The following GNB5 variants were observed in gnomAD, a reference collection of about 807,000 sequenced individuals.
The protein encoded by GNB5 is G protein subunit beta 5.
In GNB5, 37 loss-of-function variants were observed where a neutral mutation model predicts 55.3. The observed-to-expected ratio is 0.67, with a 90% CI of 0.51 to 0.88. The LOEUF (loss-of-function observed/expected upper bound fraction) is 0.88. Among genes scored for constraint, GNB5 ranks in the 40% least tolerant of loss-of-function variants. The pLI, the probability that GNB5 is intolerant of heterozygous loss-of-function variation, is 0.00. For missense variants in GNB5, 476 were observed against 515.3 expected (o/e 0.92, Z 0.74); for synonymous variants, 219 against 198.5 (o/e 1.10, Z -0.87).
intron 2 of GNB5, among the ~76,000 whole-genome samples, chr15:52,182,914 G>T (rs2034792270): frequency 6.6e-6 from 1 of 152,204 alleles, no homozygotes; most frequent in African/African-American, 2.4e-5. Context: ...CACTTTGGGA[G>T]GCCAAGGTGA....
Position 52,141,280 on chromosome 15 carries a change from G to T in GNB5, c.495-8C>A, listed in dbSNP as rs759786549. 4 of 1,612,380 alleles carry T rather than the reference G, an allele frequency of 2.5e-6. No homozygotes were observed. The African/African-American group carries it at 5.3e-5, about 22-fold the overall frequency. On this transcript the variant is annotated splice_polypyrimidine_tract_variant and splice_region_variant and intron_variant, in intron 6 of 12. Coordinates refer to ENST00000261837, the MANE Select transcript of GNB5 (RefSeq NM_016194.4). ...CACTTATTATCCAAACCACTAGGAT[G>T]GAAAGAAAGAAGTACCAAAGATTAA...
chr15:52,161,542 C>G (rs960538284), intron 3 of GNB5, among the ~76,000 whole-genome samples: 1 of 152,184 alleles, frequency 6.6e-6, no homozygotes, highest in Non-Finnish European at 1.5e-5. Context: ...CTCAAGTGGT[C>G]CACCCACCTC....
chr15:52,178,114 C>T (rs888805195), intron 3 of GNB5, among the ~76,000 whole-genome samples: 5 of 152,148 alleles, frequency 3.3e-5, no homozygotes, highest in African/African-American at 7.2e-5. Context: ...TTCTGGAGAA[C>T]GCCCTCTGCA....
intron 3 of GNB5, among the ~76,000 whole-genome samples, chr15:52,174,159 G>C (rs143142417): frequency 6.6e-5 from 10 of 152,330 alleles, no homozygotes; most frequent in African/African-American, 2.4e-4. Flanking sequence ...AACATGGGCA[G>C]CCCCAAGAAG....
chr15:52,185,752 TTTTA>T (rs200072048), intron 1 of GNB5, among the ~76,000 whole-genome samples: 1,773 of 94,404 alleles, frequency 0.019, 22 homozygotes, highest in Admixed American at 0.041. Context: ...GTATTCATCT[TTTTA>T]TTATTATTAT....
At chr15:52,135,967 C>T in intron 7 of GNB5, 1 of 494,002 alleles carries the variant, frequency 2.0e-6, no homozygotes, top group Non-Finnish European at 3.5e-6. Flanking sequence ...GCATTTCCTA[C>T]ACCCTCACAG....
At chr15:52,140,428 G>C (rs1359963824) in intron 7 of GNB5, among the ~76,000 whole-genome samples, 1 of 152,154 alleles carries the variant, frequency 6.6e-6, no homozygotes, top group African/African-American at 2.4e-5. Flanking sequence ...CTCTTCACTG[G>C]CAGCAGCAAG....
At chr15:52,136,620 G>T (rs537955279) in intron 7 of GNB5, among the ~76,000 whole-genome samples, 1 of 152,334 alleles carries the variant, frequency 6.6e-6, no homozygotes, top group African/African-American at 2.4e-5. Context: ...CCCGAGCACA[G>T]TGCTGCCCAG....
At chr15:52,125,735 C>T in intron 11 of GNB5, 1 of 542,302 alleles carries the variant, frequency 1.8e-6, no homozygotes, top group Non-Finnish European at 3.3e-6. Flanking sequence ...GGGTACACAG[C>T]CTTCATTTCC....
chr15:52,182,606 A>G (rs2034787980), intron 2 of GNB5, among the ~76,000 whole-genome samples: 1 of 152,214 alleles, frequency 6.6e-6, no homozygotes. Flanking sequence ...AGTTGAGGTC[A>G]GCTACATTCC....
chr15:52,168,040 G>A (rs1276037924), intron 3 of GNB5, among the ~76,000 whole-genome samples: 2 of 152,090 alleles, frequency 1.3e-5, no homozygotes, highest in Admixed American at 6.5e-5. Context: ...AACCTACACC[G>A]AATATCATAC....
chr15:52,117,079 A>C lies in GNB5; in HGVS notation c.*5678T>G, dbSNP rs2033156411. On this transcript the variant is annotated 3_prime_UTR_variant, in exon 13 of 13. Coordinates refer to ENST00000261837, the MANE Select transcript of GNB5 (RefSeq NM_016194.4). ...GCTGGGACTACAGGCACCTGCCACCACGCCCAGCTAATATATATATATATT... is the reference window on the plus strand; with the variant it reads ...GCTGGGACTACAGGCACCTGCCACCCCGCCCAGCTAATATATATATATATT... The C allele has an allele frequency of 8.6e-6, 1 of 116,668 alleles. No individual in the cohort carries two copies. Among genetic ancestry groups the C allele is most frequent in the African/African-American group, 3.6e-5 (1 of 27,400 alleles). 7.2% of individuals were successfully genotyped at this position (116,668 alleles called of 1,614,324 possible). A position where few individuals can be genotyped will look rare whatever the true frequency, so the allele number is the denominator to read the frequency against.
chr15:52,141,461 T>G (rs1166469426), intron 6 of GNB5, among the ~76,000 whole-genome samples, 189 bp from the exon 7 acceptor site: 3 of 151,410 alleles, frequency 2.0e-5, no homozygotes, highest in African/African-American at 4.9e-5. Flanking sequence ...AGAGACAGGG[T>G]CTTGCTCTGT....
At position 52,190,473 on chromosome 15, in the gene GNB5, T is replaced by C. The variant is rs193096936; in HGVS notation, c.-19+849A>G. 2.0e-5 allele frequency among the ~76,000 whole-genome samples: 3 copies of C among 152,284 alleles called. No individual in the cohort carries two copies. In the East Asian group the frequency reaches 5.8e-4, roughly 29 times the overall value. ...TGTGTAGTCACTTCACAAATGAGGATACTTATATGGTCAATAAACATATAA... is the reference window on the plus strand; with the variant it reads ...TGTGTAGTCACTTCACAAATGAGGACACTTATATGGTCAATAAACATATAA... On this transcript the variant is annotated intron_variant, in intron 1 of 12. Transcript: ENST00000261837.
At chr15:52,178,647 T>G (rs1296606890) in intron 3 of GNB5, among the ~76,000 whole-genome samples, 2 of 152,192 alleles carry the variant, frequency 1.3e-5, no homozygotes, top group African/African-American at 4.8e-5. Context: ...GGTTTACAGT[T>G]AGTGATTGCT....
intron 2 of GNB5, 98 bp from the exon 3 acceptor site, chr15:52,179,977 GC>G: frequency 7.6e-7 from 1 of 1,317,006 alleles, no homozygotes. Flanking sequence ...CCCGAGCACC[GC>G]CCCGCGGCCC....
intron 3 of GNB5, among the ~76,000 whole-genome samples, chr15:52,173,945 C>A (rs1242900160): frequency 6.6e-6 from 1 of 152,198 alleles, no homozygotes; most frequent in Non-Finnish European, 1.5e-5. Context: ...ATCCCCAGAA[C>A]CAGTGGCGAT....
chr15:52,180,905 C>T (rs1300771386), intron 2 of GNB5: 1 of 152,304 alleles, frequency 6.6e-6, no homozygotes, highest in African/African-American at 2.4e-5. Flanking sequence ...AGTAATTGCT[C>T]AGGGGGCATG....
At chr15:52,128,625 T>C in intron 9 of GNB5, 1 of 501,098 alleles carries the variant, frequency 2.0e-6, no homozygotes, top group South Asian at 1.5e-5. Flanking sequence ...ATTGGATGTC[T>C]GCACTGACCA....
Sources: gnomAD v4.1 joint callset for allele counts (sites outside exome capture counted in the v4.1 genomes callset) on GRCh38, gnomAD v4.1.1 for gene constraint, MANE v1.5 for transcripts, NCBI Gene and HGNC (gene_info 2026-07-23, HGNC 2026-07-21) for gene names.